RIF1: variants seen among roughly 807,000 people sequenced by gnomAD.
RIF1 encodes telomere-associated protein RIF1.
In RIF1, 45 loss-of-function variants were observed where a neutral mutation model predicts 247.1. That is an observed-to-expected ratio of 0.18 (90% CI 0.14 to 0.23). The LOEUF is 0.23. RIF1 is among the 10% of genes least tolerant of loss of function. RIF1 has a pLI of 1.00. For synonymous variants in RIF1, 1,087 were observed against 978.8 expected, an observed-to-expected ratio of 1.11 and a Z score of -2.06; for missense variants, 2,967 against 2,862.5, an observed-to-expected ratio of 1.04 and a Z score of -0.83.
chr2:151,524,716 G>C, the RIF1 span: 1 of 901,356 alleles, frequency 1.1e-6, no homozygotes. Context: ...GCCCAGGCTT[G>C]AGTGCAGTGG....
chr2:151,471,979 A>G (rs995527669), intron 34 of RIF1, among the ~76,000 whole-genome samples: 1 of 152,130 alleles, frequency 6.6e-6, no homozygotes, highest in Non-Finnish European at 1.5e-5. Context: ...GATTTTCACA[A>G]TATTGATTCT....
In RIF1 at chr2:151,463,153, C is replaced by T. The variant is rs139406148; in HGVS notation, c.3633C>T (p.Pro1211=). 6 of 1,614,114 alleles carry T rather than the reference C, an allele frequency of 3.7e-6. No individual in the cohort carries two copies. The East Asian group carries it at 1.3e-4, about 36-fold the overall frequency. The change falls in exon 30 of 36, where the codon CCC becomes CCT. Residue 1211 remains proline (P), a synonymous_variant. Transcript: ENST00000444746. ...SVSNTTVAGT[P]PYPTSRRQTF... ...CTAATACCACTGTTGCTGGAACTCCCCCATACCCTACAAGTCGGAGGCAAA... is the reference window on the plus strand; with the variant it reads ...CTAATACCACTGTTGCTGGAACTCCTCCATACCCTACAAGTCGGAGGCAAA...
At chr2:151,439,995 A>T in intron 14 of RIF1, 32 bp from the exon 15 acceptor site, 6 of 830,888 alleles carry the variant, frequency 7.2e-6, no homozygotes, top group Non-Finnish European at 1.1e-5. Flanking sequence ...AAAAAAAAAA[A>T]GAACTATACC....
chr2:151,429,550 A>G (rs961626617), intron 9 of RIF1, among the ~76,000 whole-genome samples: 4 of 152,214 alleles, frequency 2.6e-5, no homozygotes, highest in Non-Finnish European at 5.9e-5. Context: ...TAATCATCAC[A>G]ATAGACCTGA....
downstream of RIF1, among the ~76,000 whole-genome samples, chr2:151,483,571 G>A (rs925538589): frequency 7.9e-5 from 12 of 152,024 alleles, no homozygotes; most frequent in African/African-American, 2.9e-4. Flanking sequence ...ATATCCATGG[G>A]GTATTGGTTT....
At chr2:151,433,441 T>TA (rs960685563) in intron 10 of RIF1, among the ~76,000 whole-genome samples, 2 of 152,078 alleles carry the variant, frequency 1.3e-5, no homozygotes, top group Non-Finnish European at 2.9e-5. Flanking sequence ...CCTGAAATGT[T>TA]TTTATTTATT....
Position 151,492,212 on chromosome 2 carries a change from C to T in RIF1, c.*416-3017C>T, listed in dbSNP as rs2057152783. The T allele has an allele frequency of 1.9e-6, 3 of 1,613,956 alleles. No homozygotes were observed. In the East Asian group the frequency reaches 6.7e-5, roughly 36 times the overall value. On this transcript the variant is annotated intron_variant and NMD_transcript_variant, in intron 9 of 13. Coordinates refer to the RIF1 transcript ENST00000454583. ...TCCTGCATGTTCTTCTTTACTCGTTCAGTGATAGGATCTGTCACCACTGGT... is the reference window on the plus strand; with the variant it reads ...TCCTGCATGTTCTTCTTTACTCGTTTAGTGATAGGATCTGTCACCACTGGT...
At chr2:151,527,078 G>A in the RIF1 span, 1 of 1,214,504 alleles carries the variant, frequency 8.2e-7, no homozygotes. Context: ...GGAGGAAGCT[G>A]GGCATTTGAT....
At chr2:151,429,734 T>C (rs1015231996) in intron 9 of RIF1, among the ~76,000 whole-genome samples, 3 of 152,212 alleles carry the variant, frequency 2.0e-5, no homozygotes, top group Non-Finnish European at 4.4e-5. Context: ...AATATTGATA[T>C]ATGGAAGTCA....
intron 9 of RIF1, among the ~76,000 whole-genome samples, chr2:151,489,610 T>G (rs1342052791): frequency 6.6e-6 from 1 of 152,116 alleles, no homozygotes; most frequent in African/African-American, 2.4e-5. Context: ...TTGCCTAGGC[T>G]GGTCTCAAAC....
rs2056059746 is a variant in RIF1, at chr2:151,490,993, AAACTGG to A, written c.*416-4234_*416-4229del. ...GATTTACTTCTGTGTCTTGATCAGA[AAACTGG>A]AGTATAAATCCTTTGAGGACTGTCT... On this transcript the variant is annotated intron_variant and NMD_transcript_variant, in intron 9 of 13. Coordinates refer to the RIF1 transcript ENST00000454583. Among the ~76,000 whole-genome samples, 3 of 152,160 alleles carry A rather than the reference AAACTGG, an allele frequency of 2.0e-5. No individual in the cohort carries two copies. The South Asian group carries it at 6.2e-4, about 32-fold the overall frequency.
At chr2:151,496,509 C>T (rs1030219277) in intron 10 of RIF1, 36 of 1,442,256 alleles carry the variant, frequency 2.5e-5, no homozygotes, top group Non-Finnish European at 3.3e-5. Context: ...CAAAATGCCA[C>T]CAGCTACTTT....
Position 151,496,881 on chromosome 2 carries a change from T to G in RIF1, c.*513+1555T>G, listed in dbSNP as rs10497081. 476,536 of 1,456,888 alleles carry G rather than the reference T, an allele frequency of 0.33. 82,066 individuals carry two copies. Among genetic ancestry groups the G allele is most frequent in the Non-Finnish European group, 0.36 (381,640 of 1,066,098 alleles). The allele number at this position is 1,456,888 out of a possible 1,614,324, so 90.2% of individuals were successfully genotyped here. A position where few individuals can be genotyped will look rare whatever the true frequency, so the allele number is the denominator to read the frequency against. On this transcript the variant is annotated intron_variant and NMD_transcript_variant, in intron 10 of 13. Transcript: ENST00000454583. Reference sequence around the variant, plus strand: ...AAAATAGGATTAATATGTATTATTTTAAATCATGAAATAGTTTTTAAAATC... The same window carrying G: ...AAAATAGGATTAATATGTATTATTTGAAATCATGAAATAGTTTTTAAAATC...
In RIF1 at chr2:151,434,661, C is replaced by T. The variant is rs569293458; in HGVS notation, c.1078-802C>T. On this transcript the variant is annotated intron_variant, in intron 10 of 35. Coordinates refer to ENST00000444746, the MANE Select transcript of RIF1 (RefSeq NM_018151.5). ...TTCACTGTGTTAGCCAGGATGGTCT[C>T]GATCTCCTGACTTTGTGATCTGCCT... Among the ~76,000 whole-genome samples, 18 of 151,996 alleles carry T rather than the reference C, an allele frequency of 1.2e-4. No homozygotes were observed. In the East Asian group the frequency reaches 2.9e-3, roughly 25 times the overall value.
rs1284739710 is a variant in RIF1 at position 151,428,995 on chromosome 2, TG to T, written c.925+75del. On this transcript the variant is annotated intron_variant, in intron 9 of 35. Coordinates refer to ENST00000444746, the MANE Select transcript of RIF1 (RefSeq NM_018151.5). Reference sequence around the variant, plus strand: ...TAAAGCAAGATAAATGAAGTTTTTCTGGTTTTTTGGATTTTAAGTTGAAGTT... The same window carrying T: ...TAAAGCAAGATAAATGAAGTTTTTCTGTTTTTTGGATTTTAAGTTGAAGTT... The T allele has an allele frequency of 4.1e-6, 4 of 981,198 alleles. No individual in the cohort carries two copies. The African/African-American group carries it at 6.6e-5, about 16-fold the overall frequency. The allele number at this position is 981,198 out of a possible 1,614,324, so 60.8% of individuals were successfully genotyped here.
At chr2:151,468,577 C>T in intron 32 of RIF1, 26 bp downstream of exon 32, 1 of 1,603,962 alleles carries the variant, frequency 6.2e-7, no homozygotes, top group Non-Finnish European at 8.5e-7. Flanking sequence ...GTTTTCATGT[C>T]ACTTTATATT....
At chr2:151,448,822 A>G (rs1416728116) in intron 20 of RIF1, among the ~76,000 whole-genome samples, 1 of 152,208 alleles carries the variant, frequency 6.6e-6, no homozygotes, top group Non-Finnish European at 1.5e-5. Context: ...CTGAATAAAC[A>G]ATGTGCAGGT....
chr2:151,425,660 C>CTTTTTTTTTTTT (rs34032157), intron 8 of RIF1, among the ~76,000 whole-genome samples: 10 of 83,696 alleles, frequency 1.2e-4, no homozygotes, highest in East Asian at 4.5e-4. Context: ...TTGTGGTACC[C>CTTTTTTTTTTTT]TTTTTTTTTT....
Position 151,455,008 on chromosome 2 carries a change from AAGGAAG to A in RIF1, c.2459_2464del (p.Lys820_Ala822delinsThr). ...CTATTCTTTCCACACACTGAGCTTC[AAGGAAG>A]CACATTCTGATACCCTCTTCACTAT... On this transcript the variant is annotated inframe_deletion, in exon 22 of 36. Coordinates refer to ENST00000444746, the MANE Select transcript of RIF1 (RefSeq NM_018151.5). 6.2e-7 allele frequency: 1 copy of A among 1,613,884 alleles called. No individual in the cohort carries two copies. The highest frequency in any genetic ancestry group is 8.5e-7 in the Non-Finnish European group (1 of 1,179,830).
Sources: allele counts gnomAD v4.1 joint callset (sites outside exome capture counted in the v4.1 genomes callset), GRCh38; gene constraint gnomAD v4.1.1; transcripts MANE v1.5; gene names NCBI Gene and HGNC (gene_info 2026-07-23, HGNC 2026-07-21).